Variants in ASCC3 observed in about 807,000 individuals in gnomAD.
The protein encoded by ASCC3 is activating signal cointegrator 1 complex subunit 3.
A neutral mutation model predicts 256.3 loss-of-function variants in ASCC3; 158 were observed. The ratio of observed to expected loss-of-function variants is 0.62; its 90% CI spans 0.54 to 0.70. ASCC3 has a LOEUF of 0.70. ASCC3 is among the 30% of genes least tolerant of loss of function. The pLI is 0.00. For synonymous variants in ASCC3, 948 were observed against 883.4 expected, an observed-to-expected ratio of 1.07 and a Z score of -1.30; for missense variants, 2,259 against 2,626.0, an observed-to-expected ratio of 0.86 and a Z score of 3.05.
intron 33 of ASCC3, among the ~76,000 whole-genome samples, chr6:100,602,840 A>G (rs1772691476): frequency 6.6e-6 from 1 of 152,108 alleles, no homozygotes; most frequent in Non-Finnish European, 1.5e-5. Context: ...GAAAAAGCTA[A>G]GTAAAACTAT....
intron 8 of ASCC3, among the ~76,000 whole-genome samples, chr6:100,770,056 C>CAA (rs566325946): frequency 6.6e-6 from 1 of 150,914 alleles, no homozygotes; most frequent in Admixed American, 6.6e-5. Flanking sequence ...TAAACTATTT[C>CAA]AAAAAAAATG....
At chr6:100,522,846 G>A (rs1309694821) in intron 37 of ASCC3, among the ~76,000 whole-genome samples, 1 of 151,010 alleles carries the variant, frequency 6.6e-6, no homozygotes, top group Non-Finnish European at 1.5e-5. Context: ...TGGTAAATGG[G>A]TACAGCTGGG....
chr6:100,635,153 G>C (rs1774779513), intron 25 of ASCC3, among the ~76,000 whole-genome samples: 1 of 151,866 alleles, frequency 6.6e-6, no homozygotes, highest in South Asian at 2.1e-4. Context: ...AACAATCTAA[G>C]TGCCTCAAGA....
intron 30 of ASCC3, 141 bp downstream of exon 30, chr6:100,625,051 T>A: frequency 1.0e-6 from 1 of 962,616 alleles, no homozygotes; most frequent in East Asian, 2.7e-5. Flanking sequence ...GAACAAACTA[T>A]AACAGAATAT....
At chr6:100,846,301 T>C (rs764647978) in intron 4 of ASCC3, among the ~76,000 whole-genome samples, 4 of 152,174 alleles carry the variant, frequency 2.6e-5, no homozygotes, top group Non-Finnish European at 4.4e-5. Flanking sequence ...CAGCAAAGAA[T>C]TGTATCTAAA....
chr6:100,832,128 C>T (rs1286568076), intron 4 of ASCC3, among the ~76,000 whole-genome samples: 1 of 151,822 alleles, frequency 6.6e-6, no homozygotes, highest in Non-Finnish European at 1.5e-5. Context: ...GAAAGAATGA[C>T]AGAAAGGCAT....
intron 17 of ASCC3, among the ~76,000 whole-genome samples, chr6:100,653,951 A>T (rs1011668481): frequency 6.6e-6 from 1 of 152,030 alleles, no homozygotes; most frequent in Non-Finnish European, 1.5e-5. Context: ...ACAATTTAGA[A>T]ATCAATTAAT....
At chr6:100,786,142 T>C (rs894760530) in intron 8 of ASCC3, among the ~76,000 whole-genome samples, 11 of 152,116 alleles carry the variant, frequency 7.2e-5, no homozygotes, top group Admixed American at 7.2e-4. Flanking sequence ...CATAACAAGC[T>C]CTACTGACAA....
intron 22 of ASCC3, among the ~76,000 whole-genome samples, chr6:100,644,607 T>C (rs569275757): frequency 5.3e-5 from 8 of 152,260 alleles, no homozygotes; most frequent in Middle Eastern, 6.8e-3. Context: ...TCTCTTACTC[T>C]CTCTGTCTCG....
At chr6:100,607,142 T>A in intron 30 of ASCC3, 54 bp from the exon 31 acceptor site, 1 of 1,566,618 alleles carries the variant, frequency 6.4e-7, no homozygotes. Context: ...AAAATTTTCA[T>A]TAATTTTTCA....
intron 5 of ASCC3, among the ~76,000 whole-genome samples, chr6:100,803,578 T>C (rs1213734968): frequency 1.3e-5 from 2 of 152,250 alleles, no homozygotes; most frequent in African/African-American, 4.8e-5. Context: ...AACTGACTAA[T>C]ACAAGGTGGG....
At chr6:100,849,502 A>G (rs551226665) in intron 3 of ASCC3, among the ~76,000 whole-genome samples, 11 of 152,276 alleles carry the variant, frequency 7.2e-5, no homozygotes, top group Non-Finnish European at 1.5e-4. Context: ...ATTCAAAAAC[A>G]TTTAATACCA....
intron 10 of ASCC3, among the ~76,000 whole-genome samples, chr6:100,744,592 C>T (rs1332075946): frequency 6.6e-6 from 1 of 152,082 alleles, no homozygotes. Context: ...TGTACAGGGT[C>T]ATTTTGCAGT....
At chr6:100,837,823 A>C (rs987984205) in intron 4 of ASCC3, among the ~76,000 whole-genome samples, 1 of 152,110 alleles carries the variant, frequency 6.6e-6, no homozygotes, top group African/African-American at 2.4e-5. Context: ...TCTAGTGCAC[A>C]GTAGGATGAC....
chr6:100,628,077 TCAAAAAACAAAAAC>T, intron 27 of ASCC3, 90 bp from the exon 28 acceptor site: 4 of 1,219,182 alleles, frequency 3.3e-6, no homozygotes, highest in Non-Finnish European at 4.5e-6. Flanking sequence ...TGTAGCTTCC[TCAAAAAACAAAAAC>T]AAAAAAAAAA....
At chr6:100,796,893 A>G (rs929322043) in intron 8 of ASCC3, among the ~76,000 whole-genome samples, 1 of 152,170 alleles carries the variant, frequency 6.6e-6, no homozygotes, top group African/African-American at 2.4e-5. Flanking sequence ...GGTCATCTAC[A>G]TCACGTGTGG....
intron 1 of ASCC3, among the ~76,000 whole-genome samples, chr6:100,868,995 T>G (rs1050038407): frequency 8.5e-5 from 13 of 152,352 alleles, no homozygotes; most frequent in African/African-American, 2.6e-4. Context: ...GATTGCTTAT[T>G]ATAACACAAC....
chr6:100,873,069 A>T (rs1773827714), intron 1 of ASCC3, among the ~76,000 whole-genome samples: 1 of 152,200 alleles, frequency 6.6e-6, no homozygotes, highest in Non-Finnish European at 1.5e-5. Flanking sequence ...AAGAATTCAG[A>T]AGGCCAGTTA....
chr6:100,785,867 A>C (rs1165398857), intron 8 of ASCC3, among the ~76,000 whole-genome samples: 1 of 152,178 alleles, frequency 6.6e-6, no homozygotes, highest in Non-Finnish European at 1.5e-5. Context: ...CTGATGGTAA[A>C]ATGATAAATA....
Sources: gnomAD v4.1 joint callset for allele counts (sites outside exome capture counted in the v4.1 genomes callset) on GRCh38, gnomAD v4.1.1 for gene constraint, MANE v1.5 for transcripts, NCBI Gene and HGNC (gene_info 2026-07-23, HGNC 2026-07-21) for gene names.